The following TSPAN32 variants were observed in gnomAD, a reference collection of about 807,000 sequenced individuals.
TSPAN32 encodes tetraspanin 32.
A neutral mutation model predicts 42.7 loss-of-function variants in TSPAN32; 47 were observed. The ratio of observed to expected loss-of-function variants is 1.10; its 90% CI spans 0.87 to 1.40. The LOEUF (loss-of-function observed/expected upper bound fraction) is 1.40. Ranked by LOEUF, TSPAN32 falls within the 40% of genes most tolerant of loss-of-function variation. TSPAN32 has a pLI of 0.00. For synonymous variants in TSPAN32, 175 were observed against 175.9 expected, an observed-to-expected ratio of 0.99 and a Z score of 0.04; for missense variants, 469 against 424.1, an observed-to-expected ratio of 1.11 and a Z score of -0.93.
rs1848841459 is a variant in TSPAN32, at chr11:2,317,058, C to G, written c.720-286C>G. Among the ~76,000 whole-genome samples the G allele has an allele frequency of 6.6e-6, 1 of 152,122 alleles. No homozygotes were observed. Among genetic ancestry groups the G allele is most frequent in the South Asian group, 2.1e-4 (1 of 4,828 alleles). On this transcript the variant is annotated intron_variant, in intron 8 of 9. Transcript: ENST00000182290. The surrounding 1 kb of genome is among the most constrained non-coding windows in gnomAD (Gnocchi z 6.2). ...GGCAGCTCTTCCTGCCCCCACGGAG[C>G]CTGGCCCGTCTCTGCCTGCCATGCC...
intron 6 of TSPAN32, chr11:2,315,207 C>T (rs1390141735): frequency 1.6e-5 from 19 of 1,154,736 alleles, no homozygotes; most frequent in African/African-American, 3.4e-5. Flanking sequence ...CCGCTCCCCT[C>T]CCCTACTGTC....
rs930756516 is a variant in TSPAN32, at chr11:2,304,397, G to T, written c.279+193G>T. 6.6e-6 allele frequency among the ~76,000 whole-genome samples: 1 copy of T among 151,912 alleles called. No homozygotes were observed. The highest frequency in any genetic ancestry group is 1.9e-4 in the East Asian group (1 of 5,146). ...TCTAGGCAGAAACAGAGGCCCCAGGGATGCTAGCCAGCCGAGACCCCCTAC... is the reference window on the plus strand; with the variant it reads ...TCTAGGCAGAAACAGAGGCCCCAGGTATGCTAGCCAGCCGAGACCCCCTAC... On this transcript the variant is annotated intron_variant, in intron 3 of 9. Coordinates refer to ENST00000182290, the MANE Select transcript of TSPAN32 (RefSeq NM_139022.3). This position sits in a 1 kb window ranked among gnomAD's most constrained non-coding sequence, Gnocchi z 4.8.
At chr11:2,316,463 G>A (rs2234308) in intron 7 of TSPAN32, 113 bp from the exon 8 acceptor site, 154,172 of 1,571,666 alleles carry the variant, frequency 0.098, 9,019 homozygotes, top group African/African-American at 0.23. Flanking sequence ...GGTGTGACAG[G>A]GCCTGCCTCC....
chr11:2,306,137 C>G (rs1002788528), intron 3 of TSPAN32, among the ~76,000 whole-genome samples: 1 of 151,602 alleles, frequency 6.6e-6, no homozygotes, highest in African/African-American at 2.4e-5. Context: ...CGTGTTGCAT[C>G]TGGCACATCT....
chr11:2,316,146 C>G, intron 6 of TSPAN32, 83 bp from the exon 7 acceptor site: 1 of 1,516,148 alleles, frequency 6.6e-7, no homozygotes. Flanking sequence ...GTGGGCGCTG[C>G]AGCTCCATGG....
chr11:2,313,646 C>T lies in TSPAN32; in HGVS notation c.355-8C>T, dbSNP rs759673020. 67 of 1,595,628 alleles carry T rather than the reference C, an allele frequency of 4.2e-5. No individual in the cohort carries two copies. The highest frequency in any genetic ancestry group is 9.1e-5 in the South Asian group (8 of 88,058). On this transcript the variant is annotated splice_polypyrimidine_tract_variant and splice_region_variant and intron_variant, in intron 4 of 9. Coordinates refer to ENST00000182290, the MANE Select transcript of TSPAN32 (RefSeq NM_139022.3). The surrounding 1 kb of genome is among the most constrained non-coding windows in gnomAD (Gnocchi z 9.1). ...GGGCCAGGACCTCCCTGTGGTCTCTCGGTGCAGGTGGAGGACGCCATGCTG... is the reference window on the plus strand; with the variant it reads ...GGGCCAGGACCTCCCTGTGGTCTCTTGGTGCAGGTGGAGGACGCCATGCTG...
Position 2,317,637 on chromosome 11 carries a change from G to A in TSPAN32, c.901+112G>A. 6.7e-7 allele frequency: 1 copy of A among 1,488,176 alleles called. No individual in the cohort carries two copies. Among genetic ancestry groups the A allele is most frequent in the Non-Finnish European group, 8.9e-7 (1 of 1,124,750 alleles). 92.2% of individuals were successfully genotyped at this position (1,488,176 alleles called of 1,614,324 possible). On this transcript the variant is annotated intron_variant, in intron 9 of 9. Transcript: ENST00000182290. The surrounding 1 kb of genome is among the most constrained non-coding windows in gnomAD (Gnocchi z 6.2). ...AGAGAGCCAGGCTCCATTGGGAACA[G>A]ATGCAAGGGTAAGGGGTAGCTCACC...
At chr11:2,312,940 G>A (rs921587931) in intron 4 of TSPAN32, among the ~76,000 whole-genome samples, 10 of 152,202 alleles carry the variant, frequency 6.6e-5, no homozygotes, top group African/African-American at 2.2e-4. Flanking sequence ...TGTAGGAGGC[G>A]AGATTCCAGT....
chr11:2,304,236 C>T lies in TSPAN32; in HGVS notation c.279+32C>T. ...TCATTGTGTTCCCAGATGCCCAGGC[C>T]CCCAGAAAAGAATTAGAAAGGAGTG... On this transcript the variant is annotated intron_variant, in intron 3 of 9. Coordinates refer to ENST00000182290, the MANE Select transcript of TSPAN32 (RefSeq NM_139022.3). This position sits in a 1 kb window ranked among gnomAD's most constrained non-coding sequence, Gnocchi z 4.8. 2.8e-6 allele frequency: 4 copies of T among 1,446,472 alleles called. No homozygotes were observed. Among genetic ancestry groups the T allele is most frequent in the Non-Finnish European group, 3.7e-6 (4 of 1,076,608 alleles). 89.6% of individuals were successfully genotyped at this position (1,446,472 alleles called of 1,614,324 possible).
At chr11:2,305,374 C>CCCT (rs1390947666) in intron 3 of TSPAN32, among the ~76,000 whole-genome samples, 2 of 149,386 alleles carry the variant, frequency 1.3e-5, no homozygotes, top group Admixed American at 6.7e-5. Flanking sequence ...TAGTCTGCCC[C>CCCT]CCCCCCCAGA....
At position 2,302,953 on chromosome 11, in the gene TSPAN32, A is replaced by C. The variant is rs181067559; in HGVS notation, c.176A>C (p.Gln59Pro). 2.5e-6 allele frequency: 4 copies of C among 1,613,104 alleles called. No individual in the cohort carries two copies. In the African/African-American group the frequency reaches 4.0e-5, roughly 16 times the overall value. ...AAGAACCCGTACCAGGCTGTGCACC[A>C]ATGGGGTAAGTGAGGTCCAGGCCTG... ...LEKNPYQAVH[Q>P]WAFSAGLSLV... Residue 59 changes from glutamine to proline, a missense_variant, in exon 2 of 10, where the codon CAA becomes CCA. Gln to Pro is a moderately conservative substitution (Grantham distance 76, BLOSUM62 -1). Transcript: ENST00000182290.
intron 6 of TSPAN32, chr11:2,315,851 C>T (rs1289863159): frequency 1.4e-6 from 2 of 1,381,398 alleles, no homozygotes; most frequent in East Asian, 4.0e-5. Flanking sequence ...TGTTAGCCAT[C>T]ACCCTCTGGT....
At chr11:2,307,737 G>T (rs956205298) in intron 3 of TSPAN32, among the ~76,000 whole-genome samples, 1 of 152,098 alleles carries the variant, frequency 6.6e-6, no homozygotes, top group East Asian at 1.9e-4. Flanking sequence ...GTGCGCAGAC[G>T]TTTCCACCAG....
At position 2,314,561 on chromosome 11, in the gene TSPAN32, C is replaced by A. The variant is rs780310923; in HGVS notation, c.533C>A (p.Ala178Glu). 1 of 1,608,790 alleles carries A rather than the reference C, an allele frequency of 6.2e-7. No individual in the cohort carries two copies. Among genetic ancestry groups the A allele is most frequent in the Admixed American group, 1.7e-5 (1 of 59,246 alleles). The change falls in exon 6 of 10, where the codon GCG becomes GAG. Residue 178 changes from alanine (A) to glutamate (E), a missense_variant. Coordinates refer to ENST00000182290, the MANE Select transcript of TSPAN32 (RefSeq NM_139022.3). ...TEADLCQGEE[A>E]AREDCLQGIR... ...GCTGACCTGTGTCAGGGAGAGGAGG[C>A]GGCGAGAGAGGTGAGGGGGGGACCT...
At chr11:2,302,757 G>C in intron 1 of TSPAN32, 87 bp from the exon 2 acceptor site, 1 of 1,072,392 alleles carries the variant, frequency 9.3e-7, no homozygotes, top group Non-Finnish European at 1.4e-6. Flanking sequence ...GGAAGCTGGA[G>C]AGAGCCCCAA....
chr11:2,314,840 A>G, intron 6 of TSPAN32: 1 of 503,080 alleles, frequency 2.0e-6, no homozygotes, highest in East Asian at 3.6e-5. Context: ...CCCATGCGCC[A>G]TTCACTCCTT....
At chr11:2,308,347 G>A (rs1848235319) in intron 3 of TSPAN32, among the ~76,000 whole-genome samples, 2 of 151,870 alleles carry the variant, frequency 1.3e-5, no homozygotes, top group Admixed American at 1.3e-4. Context: ...GCACTGCCCT[G>A]CCCAGGCCTG....
At chr11:2,310,031 T>G (rs1400261235) in intron 4 of TSPAN32, 1 of 152,540 alleles carries the variant, frequency 6.6e-6, no homozygotes, top group Non-Finnish European at 1.5e-5. Context: ...AGAAGAGGGC[T>G]GTGGCTTTGA....
intron 4 of TSPAN32, among the ~76,000 whole-genome samples, chr11:2,312,433 T>G (rs1385773144): frequency 1.3e-5 from 2 of 152,192 alleles, no homozygotes; most frequent in Non-Finnish European, 2.9e-5. Flanking sequence ...CCCTGGGCAC[T>G]GCGGGGAGGA....
Sources: gnomAD v4.1 joint callset for allele counts (sites outside exome capture counted in the v4.1 genomes callset) on GRCh38, gnomAD v4.1.1 for gene constraint, Gnocchi (gnomAD v3.1) non-coding constraint, MANE v1.5 for transcripts, NCBI Gene and HGNC (gene_info 2026-07-23, HGNC 2026-07-21) for gene names.